Variants in UBE2U observed in about 807,000 individuals in gnomAD.
The protein encoded by UBE2U is ubiquitin conjugating enzyme E2 U, also known as ubiquitin-conjugating enzyme E2 U.
UBE2U carries 39 observed loss-of-function variants against 41.2 expected under a neutral mutation model. The observed-to-expected ratio is 0.95, with a 90% CI of 0.73 to 1.24. UBE2U has a LOEUF of 1.24. Among genes scored for constraint, UBE2U ranks in the 50% most tolerant of loss-of-function variants. The pLI, the probability that UBE2U is intolerant of heterozygous loss-of-function variation, is 0.00. For missense variants in UBE2U, 336 were observed against 363.1 expected (o/e 0.93, Z 0.61); for synonymous variants, 107 against 117.8 (o/e 0.91, Z 0.60).
At chr1:64,229,937 G>A (rs180997895) in intron 6 of UBE2U, among the ~76,000 whole-genome samples, 3 of 152,204 alleles carry the variant, frequency 2.0e-5, no homozygotes, top group African/African-American at 7.2e-5. Flanking sequence ...ATTTTGACTT[G>A]TCTGTACTAA....
At position 64,203,749 on chromosome 1, in the gene UBE2U, C is replaced by T. The variant is rs1349234144; in HGVS notation, c.-302C>T. The T allele has an allele frequency of 1.4e-5, 4 of 294,480 alleles. No homozygotes were observed. Among genetic ancestry groups the T allele is most frequent in the Non-Finnish European group, 6.3e-6 (1 of 159,376 alleles). The allele number at this position is 294,480 out of a possible 1,614,324, so 18.2% of individuals were successfully genotyped here. On this transcript the variant is annotated 5_prime_UTR_variant, in exon 1 of 10. Transcript: ENST00000371077. ...CGCGCCGACGACATGGGCTTGTCTCCGTTACTCATCCAAGTTTGTCTTGAG... is the reference window on the plus strand; with the variant it reads ...CGCGCCGACGACATGGGCTTGTCTCTGTTACTCATCCAAGTTTGTCTTGAG...
intron 7 of UBE2U, among the ~76,000 whole-genome samples, chr1:64,239,099 GAAGAA>G: frequency 1.7e-3 from 10 of 5,994 alleles, no homozygotes; most frequent in Non-Finnish European, 2.2e-3. Context: ...AGAGGAAGAA[GAAGAA>G]GAAGAAGAAG....
chr1:64,217,862 A>G (rs1652133643), intron 5 of UBE2U, among the ~76,000 whole-genome samples: 1 of 152,236 alleles, frequency 6.6e-6, no homozygotes, highest in African/African-American at 2.4e-5. Flanking sequence ...ATAATTCTAC[A>G]AATACATCAT....
chr1:64,245,165 T>A (rs960614789), intron 8 of UBE2U, among the ~76,000 whole-genome samples: 1 of 152,166 alleles, frequency 6.6e-6, no homozygotes, highest in Non-Finnish European at 1.5e-5. Flanking sequence ...AATCAATTAT[T>A]TGGTTTGGTG....
chr1:64,207,187 G>C (rs1034489575), intron 3 of UBE2U, among the ~76,000 whole-genome samples: 4 of 152,014 alleles, frequency 2.6e-5, no homozygotes, highest in Non-Finnish European at 4.4e-5. Flanking sequence ...GTCTCTCTCT[G>C]TCGCCCAGGC....
Position 64,214,933 on chromosome 1 carries a change from G to A in UBE2U, c.457+1G>A. On this transcript the variant is annotated splice_donor_variant, in intron 5 of 9. Transcript: ENST00000371077. LOFTEE classifies it high-confidence loss of function. ...AGACTTTTCAACAGGCCATTACAAA[G>A]TAAGAAGTATCTACTTTTGTTAGGT... The A allele has an allele frequency of 6.2e-7, 1 of 1,611,396 alleles. No individual in the cohort carries two copies. Among genetic ancestry groups the A allele is most frequent in the Non-Finnish European group, 8.5e-7 (1 of 1,177,594 alleles).
intron 7 of UBE2U, among the ~76,000 whole-genome samples, chr1:64,236,437 C>T (rs550410632): frequency 6.6e-6 from 1 of 152,246 alleles, no homozygotes; most frequent in Admixed American, 6.5e-5. Context: ...ATTTTTAGTT[C>T]ATAAGCATAG....
intron 7 of UBE2U, among the ~76,000 whole-genome samples, chr1:64,236,162 C>T (rs1285184912): frequency 6.6e-6 from 1 of 152,150 alleles, no homozygotes; most frequent in African/African-American, 2.4e-5. Flanking sequence ...ACAGCACATA[C>T]TTTATAGGGT....
At chr1:64,227,240 C>G (rs1652932397) in intron 6 of UBE2U, among the ~76,000 whole-genome samples, 2 of 152,266 alleles carry the variant, frequency 1.3e-5, no homozygotes, top group African/African-American at 4.8e-5. Context: ...ACCACCACTT[C>G]TATTCAACAT....
chr1:64,251,503 C>G (rs1485866724), intron 8 of UBE2U, among the ~76,000 whole-genome samples: 1 of 152,088 alleles, frequency 6.6e-6, no homozygotes, highest in Non-Finnish European at 1.5e-5. Context: ...TTGGCATGTT[C>G]AAGTGAAGTA....
intron 8 of UBE2U, among the ~76,000 whole-genome samples, chr1:64,250,687 G>C (rs1644993125): frequency 6.6e-6 from 1 of 151,944 alleles, no homozygotes. Context: ...TGATAGACTG[G>C]ATTAAGAAAA....
intron 7 of UBE2U, among the ~76,000 whole-genome samples, chr1:64,233,505 T>G (rs978216936): frequency 1.3e-5 from 2 of 152,156 alleles, no homozygotes; most frequent in Non-Finnish European, 2.9e-5. Context: ...TTCCCAATCT[T>G]ATGAGGTTTA....
At chr1:64,236,158 C>T (rs1329619165) in intron 7 of UBE2U, among the ~76,000 whole-genome samples, 2 of 152,122 alleles carry the variant, frequency 1.3e-5, no homozygotes, top group African/African-American at 2.4e-5. Context: ...AATCACAGCA[C>T]ATACTTTATA....
intron 9 of UBE2U, among the ~76,000 whole-genome samples, chr1:64,262,457 G>C (rs575142551): frequency 2.0e-5 from 3 of 152,298 alleles, no homozygotes; most frequent in East Asian, 3.9e-4. Flanking sequence ...TGGTTTGAAT[G>C]GGGGAGGAAT....
chr1:64,233,692 TA>T (rs1238806021), intron 7 of UBE2U, among the ~76,000 whole-genome samples: 1 of 152,204 alleles, frequency 6.6e-6, no homozygotes, highest in East Asian at 1.9e-4. Context: ...CATCAGGAGC[TA>T]AAAAGACAGA....
intron 9 of UBE2U, 111 bp from the exon 10 acceptor site, chr1:64,266,913 A>G: frequency 5.2e-6 from 5 of 968,444 alleles, no homozygotes; most frequent in South Asian, 1.8e-5. Flanking sequence ...GGTTGCTCAC[A>G]TTCATTCAGA....
At position 64,205,351 on chromosome 1, in the gene UBE2U, C is replaced by T. The variant is rs544930495; in HGVS notation, c.67-288C>T. Among the ~76,000 whole-genome samples, 14 of 152,228 alleles carry T rather than the reference C, an allele frequency of 9.2e-5. No homozygotes were observed. The South Asian group carries it at 2.7e-3, about 29-fold the overall frequency. ...GAATATTAAATTGGTTATTGATTTA[C>T]ACAAACAGTATATAAGCCACACATT... On this transcript the variant is annotated intron_variant, in intron 1 of 9. Coordinates refer to ENST00000371077, the MANE Select transcript of UBE2U (RefSeq NM_001366232.2).
At chr1:64,204,469 C>T (rs929494528) in intron 1 of UBE2U, among the ~76,000 whole-genome samples, 1 of 152,108 alleles carries the variant, frequency 6.6e-6, no homozygotes, top group Non-Finnish European at 1.5e-5. Flanking sequence ...TTACCAAAAA[C>T]CTAAGCCTCA....
At chr1:64,204,404 G>T (rs1651158333) in intron 1 of UBE2U, among the ~76,000 whole-genome samples, 1 of 152,148 alleles carries the variant, frequency 6.6e-6, no homozygotes, top group Non-Finnish European at 1.5e-5. Flanking sequence ...ACTAGTAGGT[G>T]CAGGCTTATG....
Sources: gnomAD v4.1 joint callset for allele counts (sites outside exome capture counted in the v4.1 genomes callset) on GRCh38, gnomAD v4.1.1 for gene constraint, MANE v1.5 for transcripts, NCBI Gene and HGNC (gene_info 2026-07-23, HGNC 2026-07-21) for gene names.